Variants in SYNGR3 observed in about 807,000 individuals in gnomAD.
The protein encoded by SYNGR3 is synaptogyrin-3.
Under a neutral mutation model 18.5 loss-of-function variants are expected in SYNGR3, and 10 were observed. The ratio of observed to expected loss-of-function variants is 0.54; its 90% CI spans 0.33 to 0.92. The LOEUF is 0.92. Ranked by LOEUF, SYNGR3 falls within the 40% of genes least tolerant of loss-of-function variation. The probability of loss-of-function intolerance (pLI) is 0.02; values close to 1 mark genes in which losing one functional copy is unlikely to be tolerated. For missense variants in SYNGR3, 335 were observed against 332.8 expected (o/e 1.01, Z -0.05); for synonymous variants, 188 against 157.2 (o/e 1.20, Z -1.47).
At position 1,992,843 on chromosome 16, in the gene SYNGR3, G is replaced by A. The variant is rs1266512580; in HGVS notation, c.481-20G>A. The stretch of plus-strand genomic sequence containing the variant: ...CGCTCGGCTGATCCCGGCTGACCCC[G>A]CTGACCCCGCCCCGCGCAGGTGGCG... On this transcript the variant is annotated intron_variant, in intron 3 of 3. Transcript: ENST00000248121. The A allele has an allele frequency of 1.4e-5, 21 of 1,525,216 alleles. No individual in the cohort carries two copies. Among genetic ancestry groups the A allele is most frequent in the Non-Finnish European group, 1.7e-5 (19 of 1,138,012 alleles). 94.5% of individuals were successfully genotyped at this position (1,525,216 alleles called of 1,614,324 possible). A position where few individuals can be genotyped will look rare whatever the true frequency, so the allele number is the denominator to read the frequency against.
At chr16:1,992,567 C>T (rs2083609944) in intron 2 of SYNGR3, 69 bp from the exon 3 acceptor site, 3 of 1,543,660 alleles carry the variant, frequency 1.9e-6, no homozygotes, top group Middle Eastern at 2.3e-4. Flanking sequence ...ACCGACCTTT[C>T]CTCCTCCGGG....
chr16:1,992,220 G>A lies in SYNGR3; in HGVS notation c.337+9G>A, dbSNP rs1281531539. ...GGACCTGGGCTTCTCAGGTGGGCGG[G>A]GCCGGGGCGGTGAGCGCGGAGAGCC... On this transcript the variant is annotated intron_variant, in intron 2 of 3. Transcript: ENST00000248121. The A allele has an allele frequency of 7.3e-7, 1 of 1,367,660 alleles. No homozygotes were observed. The highest frequency in any genetic ancestry group is 9.4e-7 in the Non-Finnish European group (1 of 1,064,632). The allele number at this position is 1,367,660 out of a possible 1,614,324, so 84.7% of individuals were successfully genotyped here.
chr16:1,993,959 A>G lies in SYNGR3; in HGVS notation c.*887A>G. On this transcript the variant is annotated 3_prime_UTR_variant, in exon 4 of 4. Coordinates refer to ENST00000248121, the MANE Select transcript of SYNGR3 (RefSeq NM_004209.6). The stretch of plus-strand genomic sequence containing the variant: ...CCACCTGCACCCTGCTTCCTGGCCC[A>G]GTCCCAGGTTGGAGTCCCTCTGCAT... The G allele has an allele frequency of 4.3e-6, 1 of 231,518 alleles. No individual in the cohort carries two copies. Among genetic ancestry groups the G allele is most frequent in the South Asian group, 5.3e-5 (1 of 18,846 alleles). The allele number at this position is 231,518 out of a possible 1,614,324, so 14.3% of individuals were successfully genotyped here. A position where few individuals can be genotyped will look rare whatever the true frequency, so the allele number is the denominator to read the frequency against.
intron 2 of SYNGR3, 130 bp from the exon 3 acceptor site, chr16:1,992,506 G>T (rs989030440): frequency 2.4e-6 from 3 of 1,257,864 alleles, no homozygotes; most frequent in African/African-American, 3.2e-5. Flanking sequence ...AGGGAGGCGG[G>T]ACCTCGCGCC....
intron 2 of SYNGR3, 98 bp from the exon 3 acceptor site, chr16:1,992,538 C>T (rs1463588721): frequency 1.6e-5 from 22 of 1,411,904 alleles, no homozygotes; most frequent in Non-Finnish European, 2.0e-5. Context: ...CCAGGCGAGG[C>T]GCCCCAAGCC....
chr16:1,992,497 G>A (rs918153058), intron 2 of SYNGR3, 139 bp from the exon 3 acceptor site: 6 of 1,208,552 alleles, frequency 5.0e-6, no homozygotes, highest in Non-Finnish European at 6.6e-6. Flanking sequence ...GCGCAGGAGA[G>A]GGAGGCGGGA....
At position 1,992,622 on chromosome 16, in the gene SYNGR3, C is replaced by T; in HGVS notation, c.338-14C>T. The T allele has an allele frequency of 1.3e-6, 2 of 1,596,156 alleles. No individual in the cohort carries two copies. The highest frequency in any genetic ancestry group is 1.7e-6 in the Non-Finnish European group (2 of 1,174,208). ...CGCGTGGAGCGTCGCCCTGACGCGC[C>T]GCACTGTTCGCAGGACTCTGGTCCT... On this transcript the variant is annotated splice_polypyrimidine_tract_variant and intron_variant, in intron 2 of 3. Transcript: ENST00000248121.
rs760751151 is a variant in SYNGR3 at position 1,992,739 on chromosome 16, G to A, written c.441G>A (p.Arg147=). The change falls in exon 3 of 4, where the codon CGG becomes CGA. Residue 147 remains arginine, a synonymous_variant. Transcript: ENST00000248121. ...PATTQAGDAA[R]AAIAFSFFSI... Reference sequence around the variant, plus strand: ...CGACGCAGGCGGGGGACGCGGCGCGGGCCGCCATCGCCTTCAGCTTCTTCT... The same window carrying A: ...CGACGCAGGCGGGGGACGCGGCGCGAGCCGCCATCGCCTTCAGCTTCTTCT... 1.1e-5 allele frequency: 17 copies of A among 1,583,128 alleles called. No homozygotes were observed. In the East Asian group the frequency reaches 3.9e-4, roughly 36 times the overall value.
At chr16:1,992,582 G>T (rs552132803) in intron 2 of SYNGR3, 54 bp from the exon 3 acceptor site, 3 of 1,562,278 alleles carry the variant, frequency 1.9e-6, no homozygotes, top group Non-Finnish European at 2.6e-6. Context: ...TCCGGGCGAG[G>T]CCGCCGTGGG....
At position 1,992,200 on chromosome 16, in the gene SYNGR3, T is replaced by G; in HGVS notation, c.326T>G (p.Leu109Arg). 3.5e-6 allele frequency: 4 copies of G among 1,152,058 alleles called. No individual in the cohort carries two copies. The highest frequency in any genetic ancestry group is 3.2e-6 in the Non-Finnish European group (3 of 931,498). The allele number at this position is 1,152,058 out of a possible 1,614,324, so 71.4% of individuals were successfully genotyped here. ...CGCCGGCGCGCGGTGTTGCTGGACC[T>G]GGGCTTCTCAGGTGGGCGGGGCCGG... ...RDRRRAVLLD[L>R]GFSGLWSFLW... Residue 109 changes from leucine to arginine, a missense_variant, in exon 2 of 4, where the codon CTG becomes CGG. Leu to Arg is a moderately radical substitution (Grantham distance 102). Transcript: ENST00000248121.
At chr16:1,992,476 G>A in intron 2 of SYNGR3, 160 bp from the exon 3 acceptor site, 1 of 1,053,924 alleles carries the variant, frequency 9.5e-7, no homozygotes, top group Non-Finnish European at 1.3e-6. Context: ...GCTCCCGGGT[G>A]GGCGGGGTCA....
chr16:1,991,751 G>C (rs1329448003), intron 1 of SYNGR3: 9 of 519,160 alleles, frequency 1.7e-5, no homozygotes, highest in Non-Finnish European at 3.1e-5. Context: ...CGCATGTAAA[G>C]TGGCTGTTTA....
At chr16:1,990,224 C>A in intron 1 of SYNGR3, 23 bp downstream of exon 1, 1 of 1,223,888 alleles carries the variant, frequency 8.2e-7, no homozygotes. Flanking sequence ...TGCCCGGGCC[C>A]CCGCTCCCGC....
rs377524616 is a variant in SYNGR3, at chr16:1,993,081, A to C, written c.*9A>C. On this transcript the variant is annotated 3_prime_UTR_variant, in exon 4 of 4. Transcript: ENST00000248121. ...AGGTGCCCGCCTACTAGCGGCTGGC[A>C]GGCACAGACCAGGGCTCCAAGGCCA... 6.2e-7 allele frequency: 1 copy of C among 1,603,738 alleles called. No individual in the cohort carries two copies. The highest frequency in any genetic ancestry group is 1.7e-5 in the Admixed American group (1 of 59,140).
In SYNGR3 at chr16:1,992,705, GGC is replaced by G; in HGVS notation, c.408_409del (p.Pro137GlyfsTer170). 1 of 1,601,590 alleles carries G rather than the reference GGC, an allele frequency of 6.2e-7. No homozygotes were observed. The highest frequency in any genetic ancestry group is 8.5e-7 in the Non-Finnish European group (1 of 1,176,656). On this transcript the variant is annotated frameshift_variant, in exon 3 of 4. Transcript: ENST00000248121. LOFTEE classifies it high-confidence loss of function. ...AATCAGTGGCAGCGCACGGCGCCAG[GGC>G]CGGCCACGACGCAGGCGGGGGACGC...
chr16:1,992,550 C>A, intron 2 of SYNGR3, 86 bp from the exon 3 acceptor site: 1 of 1,485,202 alleles, frequency 6.7e-7, no homozygotes, highest in South Asian at 1.3e-5. Flanking sequence ...CCCCAAGCCT[C>A]GGGCCCACCG....
chr16:1,993,168 G>A lies in SYNGR3; in HGVS notation c.*96G>A, dbSNP rs2150899515. The A allele has an allele frequency of 1.4e-6, 2 of 1,435,772 alleles. No individual in the cohort carries two copies. The highest frequency in any genetic ancestry group is 1.9e-6 in the Non-Finnish European group (2 of 1,059,686). The allele number at this position is 1,435,772 out of a possible 1,614,324, so 88.9% of individuals were successfully genotyped here. A position where few individuals can be genotyped will look rare whatever the true frequency, so the allele number is the denominator to read the frequency against. Reference sequence around the variant, plus strand: ...CCTTGGGTCCTTCCAGCTCAGTGCCGCGGACAGAGTAGGTGGCCGCTTTGC... The same window carrying A: ...CCTTGGGTCCTTCCAGCTCAGTGCCACGGACAGAGTAGGTGGCCGCTTTGC... On this transcript the variant is annotated 3_prime_UTR_variant, in exon 4 of 4. Coordinates refer to ENST00000248121, the MANE Select transcript of SYNGR3 (RefSeq NM_004209.6).
chr16:1,990,538 G>A, intron 1 of SYNGR3: 1 of 468,292 alleles, frequency 2.1e-6, no homozygotes, highest in Non-Finnish European at 4.2e-6. Context: ...CCTGGAAGCA[G>A]GGACGGGGTG....
chr16:1,990,450 C>A, intron 1 of SYNGR3: 1 of 538,062 alleles, frequency 1.9e-6, no homozygotes, highest in Non-Finnish European at 3.5e-6. Flanking sequence ...CCGCCGGTCG[C>A]CTCTACCCCT....
Sources: gnomAD v4.1 joint callset for allele counts on GRCh38, gnomAD v4.1.1 for gene constraint, MANE v1.5 for transcripts, NCBI Gene and HGNC (gene_info 2026-07-23, HGNC 2026-07-21) for gene names.